FAM114A2: variants seen among roughly 807,000 people sequenced by gnomAD.
FAM114A2 encodes family with sequence similarity 114 member A2.
FAM114A2 carries 53 observed loss-of-function variants against 58.4 expected under a neutral mutation model. The observed-to-expected ratio is 0.91, with a 90% CI of 0.73 to 1.14. The LOEUF (loss-of-function observed/expected upper bound fraction) is 1.14. Ranked by LOEUF, FAM114A2 falls within the 50% of genes most tolerant of loss-of-function variation. The probability of loss-of-function intolerance (pLI) is 0.00; values close to 1 mark genes in which losing one functional copy is unlikely to be tolerated. For synonymous variants in FAM114A2, 228 were observed against 211.4 expected (o/e 1.08, Z -0.68); for missense variants, 601 against 581.1 (o/e 1.03, Z -0.35).
At position 154,002,341 on chromosome 5, in the gene FAM114A2, G is replaced by A; in HGVS notation, c.1166C>T (p.Ser389Leu). 1 of 1,614,020 alleles carries A rather than the reference G, an allele frequency of 6.2e-7. No individual in the cohort carries two copies. Among genetic ancestry groups the A allele is most frequent in the South Asian group, 1.1e-5 (1 of 91,064 alleles). The change falls in exon 11 of 14, where the codon TCA (serine) becomes TTA (leucine). Residue 389 changes from serine to leucine, a missense_variant. Coordinates refer to ENST00000351797, the MANE Select transcript of FAM114A2 (RefSeq NM_018691.4). ...AGCTGTTTTGTGGAATAGTTCAATT[G>A]AGCAGGCAGTCAGTTCAGCCAGGCT... ...IRSLAELTAC[S>L]IELFHKTAAL...
intron 9 of FAM114A2, among the ~76,000 whole-genome samples, chr5:154,007,187 T>G (rs1770410725): frequency 6.6e-6 from 1 of 152,156 alleles, no homozygotes; most frequent in Non-Finnish European, 1.5e-5. Flanking sequence ...TTGTGCCAAC[T>G]CAAGGTAATT....
At chr5:154,002,179 A>G (rs1333456355) in intron 11 of FAM114A2, 72 bp downstream of exon 11, 2 of 1,439,660 alleles carry the variant, frequency 1.4e-6, no homozygotes, top group African/African-American at 2.8e-5. Context: ...AGAGACGTTT[A>G]TAAAACTTTG....
At chr5:154,008,955 T>C (rs989240955) in intron 9 of FAM114A2, among the ~76,000 whole-genome samples, 2 of 152,204 alleles carry the variant, frequency 1.3e-5, no homozygotes, top group African/African-American at 4.8e-5. Flanking sequence ...ATTGGAGTTA[T>C]ACTGTGTGTG....
At position 153,992,367 on chromosome 5, in the gene FAM114A2, T is replaced by C. The variant is rs567109745; in HGVS notation, c.*609A>G. 1.3e-5 allele frequency: 2 copies of C among 152,194 alleles called. No individual in the cohort carries two copies. The highest frequency in any genetic ancestry group is 4.8e-5 in the African/African-American group (2 of 41,442). 9.4% of individuals were successfully genotyped at this position (152,194 alleles called of 1,614,324 possible). A position where few individuals can be genotyped will look rare whatever the true frequency, so the allele number is the denominator to read the frequency against. Reference sequence around the variant, plus strand: ...GGCACTTTGCTACAGTTAATTCACATGGCTATAATAGTCTACAAGTTTCTC... The same window carrying C: ...GGCACTTTGCTACAGTTAATTCACACGGCTATAATAGTCTACAAGTTTCTC... On this transcript the variant is annotated 3_prime_UTR_variant, in exon 14 of 14. Coordinates refer to ENST00000351797, the MANE Select transcript of FAM114A2 (RefSeq NM_018691.4).
intron 8 of FAM114A2, among the ~76,000 whole-genome samples, chr5:154,014,688 T>A (rs977200980): frequency 6.6e-6 from 1 of 152,142 alleles, no homozygotes; most frequent in African/African-American, 2.4e-5. Flanking sequence ...GTTTCCATCT[T>A]GCCTCACAGG....
At chr5:153,996,670 CCAGA>C (rs1243099344) in intron 12 of FAM114A2, among the ~76,000 whole-genome samples, 1 of 151,814 alleles carries the variant, frequency 6.6e-6, no homozygotes, top group African/African-American at 2.4e-5. Flanking sequence ...TCCAGAGAAG[CCAGA>C]CAAATAGCCA....
At chr5:154,036,676 A>C (rs924984048) in intron 1 of FAM114A2, 1 of 152,176 alleles carries the variant, frequency 6.6e-6, no homozygotes, top group Middle Eastern at 3.2e-3. Context: ...CTGAAAAAAA[A>C]CAGAACTCCA....
rs890046524 is a variant in FAM114A2, at chr5:153,990,999, T to C, written c.*1977A>G. The C allele has an allele frequency of 2.6e-5, 4 of 152,170 alleles. No homozygotes were observed. The highest frequency in any genetic ancestry group is 4.4e-5 in the Non-Finnish European group (3 of 68,044). 9.4% of individuals were successfully genotyped at this position (152,170 alleles called of 1,614,324 possible). A position where few individuals can be genotyped will look rare whatever the true frequency, so the allele number is the denominator to read the frequency against. On this transcript the variant is annotated 3_prime_UTR_variant, in exon 14 of 14. Transcript: ENST00000351797. ...AAGGAATCTTAATTCTTTTTCAGTATATTTTATGTGAAGAGTAGACAATTG... is the reference window on the plus strand; with the variant it reads ...AAGGAATCTTAATTCTTTTTCAGTACATTTTATGTGAAGAGTAGACAATTG...
intron 9 of FAM114A2, among the ~76,000 whole-genome samples, chr5:154,004,689 T>C (rs1477716897): frequency 6.6e-6 from 1 of 151,392 alleles, no homozygotes; most frequent in African/African-American, 2.4e-5. Flanking sequence ...ATCACCAAGA[T>C]GGTCTGATTT....
chr5:154,012,381 TG>T (rs796206738), intron 8 of FAM114A2, among the ~76,000 whole-genome samples: 11 of 152,332 alleles, frequency 7.2e-5, no homozygotes, highest in African/African-American at 2.6e-4. Flanking sequence ...TCCACTCATC[TG>T]AATCCTATAC....
At chr5:153,993,474 A>G (rs1269130940) in intron 13 of FAM114A2, among the ~76,000 whole-genome samples, 1 of 152,222 alleles carries the variant, frequency 6.6e-6, no homozygotes, top group Non-Finnish European at 1.5e-5. Context: ...TCAGAAGGCT[A>G]TAAATCCTAC....
At chr5:154,037,124 C>T (rs1003931184) in intron 1 of FAM114A2, 1 of 152,144 alleles carries the variant, frequency 6.6e-6, no homozygotes, top group Non-Finnish European at 1.5e-5. Flanking sequence ...ATGCCAATGA[C>T]AGGATTCAAG....
intron 9 of FAM114A2, among the ~76,000 whole-genome samples, chr5:154,010,944 G>C (rs1185203041): frequency 6.6e-6 from 1 of 152,126 alleles, no homozygotes; most frequent in Non-Finnish European, 1.5e-5. Flanking sequence ...CATGAGGCTG[G>C]TCATCACTGC....
rs761069241 is a variant in FAM114A2 at position 154,026,459 on chromosome 5, G to T, written c.853C>A (p.Gln285Lys). 2.0e-5 allele frequency: 32 copies of T among 1,572,330 alleles called. No homozygotes were observed. The highest frequency in any genetic ancestry group is 2.3e-5 in the Non-Finnish European group (27 of 1,157,108). Reference sequence around the variant, plus strand: ...GCTAGAGAAAATGTTTCTTTGAGTTGCTCTAATTCAACTTTTAGAGTCTCT... The same window carrying T: ...GCTAGAGAAAATGTTTCTTTGAGTTTCTCTAATTCAACTTTTAGAGTCTCT... ...ELETLKVELE[Q>K]LKETFSLAEF... The change falls in exon 8 of 14, where the codon CAA becomes AAA. Residue 285 changes from glutamine to lysine, a missense_variant. Physicochemically the swap from Gln to Lys is moderately conservative, Grantham distance 53. Coordinates refer to ENST00000351797, the MANE Select transcript of FAM114A2 (RefSeq NM_018691.4).
chr5:154,019,667 A>G (rs1345000067), intron 8 of FAM114A2, among the ~76,000 whole-genome samples: 1 of 152,224 alleles, frequency 6.6e-6, no homozygotes, highest in African/African-American at 2.4e-5. Flanking sequence ...ACAGCATGGT[A>G]TTAGTATAAA....
chr5:154,005,200 T>C (rs1487232017), intron 9 of FAM114A2, among the ~76,000 whole-genome samples: 1 of 152,218 alleles, frequency 6.6e-6, no homozygotes, highest in Non-Finnish European at 1.5e-5. Context: ...GTTTTGGATA[T>C]GGATATGACC....
intron 9 of FAM114A2, among the ~76,000 whole-genome samples, chr5:154,010,874 T>C (rs1770647136): frequency 6.6e-6 from 1 of 152,150 alleles, no homozygotes; most frequent in African/African-American, 2.4e-5. Flanking sequence ...ACATATCATC[T>C]CTAAATCATT....
chr5:154,029,762 TTTC>T (rs1196304397), intron 4 of FAM114A2, among the ~76,000 whole-genome samples, 182 bp from the exon 5 acceptor site: 1 of 152,234 alleles, frequency 6.6e-6, no homozygotes, highest in Non-Finnish European at 1.5e-5. Flanking sequence ...CAGTTTTCAT[TTTC>T]TTTTCATTTC....
At chr5:154,011,817 G>C (rs1383958561) in intron 8 of FAM114A2, among the ~76,000 whole-genome samples, 1 of 152,164 alleles carries the variant, frequency 6.6e-6, no homozygotes, top group African/African-American at 2.4e-5. Flanking sequence ...TTCAGGCAGA[G>C]AAACAAATGT....
Sources: allele counts gnomAD v4.1 joint callset (sites outside exome capture counted in the v4.1 genomes callset), GRCh38; gene constraint gnomAD v4.1.1; transcripts MANE v1.5; gene names NCBI Gene and HGNC (gene_info 2026-07-23, HGNC 2026-07-21).